The following TNS1 variants were observed in gnomAD, a reference collection of about 807,000 sequenced individuals.
The protein encoded by TNS1 is tensin 1, also known as tensin-1.
A neutral mutation model predicts 168.6 loss-of-function variants in TNS1; 62 were observed. That is an observed-to-expected ratio of 0.37 (90% CI 0.30 to 0.45). The LOEUF (loss-of-function observed/expected upper bound fraction) is 0.45. Ranked by LOEUF, TNS1 falls within the 20% of genes least tolerant of loss-of-function variation. The probability of loss-of-function intolerance (pLI) is 1.00; values close to 1 mark genes in which losing one functional copy is unlikely to be tolerated. For missense variants in TNS1, 2,240 were observed against 2,339.4 expected (o/e 0.96, Z 0.88); for synonymous variants, 934 against 933.2 (o/e 1.00, Z -0.02).
intron 6 of TNS1, among the ~76,000 whole-genome samples, chr2:217,903,407 G>T (rs1953255106): frequency 6.6e-6 from 1 of 152,128 alleles, no homozygotes; most frequent in Non-Finnish European, 1.5e-5. Context: ...AACGACTACA[G>T]GACTTTACAA....
At chr2:217,862,594 G>A (rs1000407812) in intron 18 of TNS1, among the ~76,000 whole-genome samples, 10 of 152,198 alleles carry the variant, frequency 6.6e-5, no homozygotes, top group Admixed American at 3.9e-4. Context: ...TAGAATCCCC[G>A]CATGGTCAAG....
chr2:217,993,995 G>C (rs1958423180), intron 1 of TNS1, among the ~76,000 whole-genome samples: 1 of 152,224 alleles, frequency 6.6e-6, no homozygotes, highest in Non-Finnish European at 1.5e-5. Context: ...AAAAGCCCAG[G>C]CTAGAAGTGG....
At chr2:217,978,448 C>G (rs1357945940) in intron 3 of TNS1, among the ~76,000 whole-genome samples, 1 of 151,564 alleles carries the variant, frequency 6.6e-6, no homozygotes. Context: ...CCCTTGAGAA[C>G]TAGCAGAAAC....
intron 3 of TNS1, among the ~76,000 whole-genome samples, chr2:217,946,694 C>A (rs2125962337): frequency 6.6e-6 from 1 of 152,084 alleles, no homozygotes; most frequent in East Asian, 1.9e-4. Context: ...TCCAGCCACT[C>A]TCAGGAGACT....
upstream of TNS1, among the ~76,000 whole-genome samples, chr2:218,011,692 G>GC (rs71403020): frequency 0.019 from 2,928 of 152,110 alleles, 43 homozygotes; most frequent in Admixed American, 0.029. Context: ...TCCTCCGCCT[G>GC]CCCCCCGCGA....
chr2:217,926,756 C>T (rs887134512), intron 3 of TNS1, among the ~76,000 whole-genome samples: 2 of 152,234 alleles, frequency 1.3e-5, no homozygotes, highest in African/African-American at 4.8e-5. Context: ...ACCCACGAGG[C>T]AAGCATTAGC....
chr2:217,979,703 G>T (rs2126052381), intron 2 of TNS1, among the ~76,000 whole-genome samples: 1 of 152,232 alleles, frequency 6.6e-6, no homozygotes, highest in Middle Eastern at 3.4e-3. Context: ...GATCTCATGG[G>T]TGGGCGAGGG....
chr2:217,894,413 T>C (rs1325378599), intron 9 of TNS1, among the ~76,000 whole-genome samples: 1 of 152,134 alleles, frequency 6.6e-6, no homozygotes, highest in Non-Finnish European at 1.5e-5. Context: ...TCCCAGCACT[T>C]TGGGAGGCCA....
intron 5 of TNS1, among the ~76,000 whole-genome samples, chr2:217,906,681 T>C (rs1953747543): frequency 6.6e-6 from 1 of 152,122 alleles, no homozygotes; most frequent in African/African-American, 2.4e-5. Context: ...AATTAGAACC[T>C]TGGCAGAGTC....
intron 16 of TNS1, among the ~76,000 whole-genome samples, chr2:217,882,943 A>C (rs1950820439): frequency 6.6e-6 from 1 of 152,096 alleles, no homozygotes; most frequent in Admixed American, 6.6e-5. Flanking sequence ...CTACAGGTGC[A>C]AGCCACCACG....
chr2:217,857,962 G>A (rs1166611982), intron 18 of TNS1, among the ~76,000 whole-genome samples: 2 of 152,212 alleles, frequency 1.3e-5, no homozygotes, highest in African/African-American at 4.8e-5. Context: ...CTGGCTAGAG[G>A]AGAGTCAAGC....
At chr2:217,824,621 A>C (rs1006276650) in intron 22 of TNS1, among the ~76,000 whole-genome samples, 42 of 152,288 alleles carry the variant, frequency 2.8e-4, no homozygotes, top group Admixed American at 2.6e-3. Flanking sequence ...CAATAGTTTC[A>C]GTGAGTGTCT....
intron 2 of TNS1, among the ~76,000 whole-genome samples, chr2:217,980,875 C>A (rs1276030914): frequency 6.6e-6 from 1 of 152,184 alleles, no homozygotes; most frequent in Non-Finnish European, 1.5e-5. Context: ...CCCCAGCACC[C>A]CATCGTTCCC....
chr2:217,911,686 T>C (rs931412686), intron 4 of TNS1, among the ~76,000 whole-genome samples: 5 of 152,146 alleles, frequency 3.3e-5, no homozygotes, highest in Admixed American at 1.3e-4. Flanking sequence ...GCCTGGGAGA[T>C]GTAGTGACTC....
chr2:217,850,439 C>A (rs981950676), intron 18 of TNS1: 1 of 985,258 alleles, frequency 1.0e-6, no homozygotes, highest in Non-Finnish European at 1.2e-6. Context: ...CCCCCCTGAG[C>A]AACACTTTCT....
chr2:217,832,076 G>A (rs969292775), intron 21 of TNS1, among the ~76,000 whole-genome samples: 3 of 152,172 alleles, frequency 2.0e-5, no homozygotes, highest in African/African-American at 7.2e-5. Flanking sequence ...GAGACAGAAG[G>A]AGATAATGGG....
chr2:217,879,548 T>A (rs1427150451), intron 18 of TNS1: 1 of 364,122 alleles, frequency 2.7e-6, no homozygotes, highest in Admixed American at 3.7e-5. Context: ...CTGAGGCAGG[T>A]GTGAGGACAG....
At chr2:217,869,613 G>A (rs1273602582) in intron 18 of TNS1, among the ~76,000 whole-genome samples, 1 of 152,188 alleles carries the variant, frequency 6.6e-6, no homozygotes, top group East Asian at 1.9e-4. Context: ...GAGGAGGTGA[G>A]GAAAGGCAGC....
upstream of TNS1, among the ~76,000 whole-genome samples, chr2:218,006,197 TG>T (rs1958655711): frequency 6.6e-6 from 1 of 152,206 alleles, no homozygotes; most frequent in African/African-American, 2.4e-5. Context: ...GTGCTGGCCC[TG>T]GGGCTGGAGG....
Sources: gnomAD v4.1 joint callset for allele counts (sites outside exome capture counted in the v4.1 genomes callset) on GRCh38, gnomAD v4.1.1 for gene constraint, MANE v1.5 for transcripts, NCBI Gene and HGNC (gene_info 2026-07-23, HGNC 2026-07-21) for gene names.